SCMH1: variants seen among roughly 807,000 people sequenced by gnomAD.
SCMH1 encodes Scm polycomb group protein homolog 1, also known as polycomb protein SCMH1.
SCMH1 carries 37 observed loss-of-function variants against 70.8 expected under a neutral mutation model. The observed-to-expected ratio is 0.52, with a 90% CI of 0.40 to 0.69. SCMH1 has a LOEUF of 0.69. Ranked by LOEUF, SCMH1 falls within the 30% of genes least tolerant of loss-of-function variation. SCMH1 has a pLI of 0.00. For synonymous variants in SCMH1, 292 were observed against 307.4 expected (o/e 0.95, Z 0.52); for missense variants, 607 against 827.3 (o/e 0.73, Z 3.27).
intron 13 of SCMH1, among the ~76,000 whole-genome samples, chr1:41,029,118 T>C (rs532974359): frequency 1.2e-3 from 177 of 152,142 alleles, no homozygotes; most frequent in African/African-American, 4.0e-3. Flanking sequence ...TAGAGACAAA[T>C]CCTTGGCACG....
chr1:41,169,061 C>T (rs142150042), intron 2 of SCMH1, among the ~76,000 whole-genome samples: 1 of 152,280 alleles, frequency 6.6e-6, no homozygotes, highest in Non-Finnish European at 1.5e-5. Flanking sequence ...TCAGGTTGCA[C>T]CCTCTGATCC....
chr1:41,030,770 TC>T (rs570285723), intron 13 of SCMH1, among the ~76,000 whole-genome samples: 149 of 152,376 alleles, frequency 9.8e-4, no homozygotes, highest in Non-Finnish European at 1.0e-3. Context: ...TCTCTCTTGT[TC>T]CTTGCTATGT....
intron 8 of SCMH1, among the ~76,000 whole-genome samples, chr1:41,100,802 G>C (rs554763962): frequency 6.6e-6 from 1 of 152,212 alleles, no homozygotes; most frequent in East Asian, 1.9e-4. Context: ...CTGACCCCGT[G>C]ATCCGCCTGC....
chr1:41,153,905 A>G (rs1407306115), intron 4 of SCMH1, among the ~76,000 whole-genome samples: 1 of 152,234 alleles, frequency 6.6e-6, no homozygotes, highest in Non-Finnish European at 1.5e-5. Context: ...TAGGACAGGC[A>G]CCAAGGTATA....
At chr1:41,064,814 T>A (rs930551434) in intron 10 of SCMH1, among the ~76,000 whole-genome samples, 1 of 152,012 alleles carries the variant, frequency 6.6e-6, no homozygotes, top group African/African-American at 2.4e-5. Context: ...AGCTACCCAG[T>A]TGAGGCAGGA....
intron 6 of SCMH1, among the ~76,000 whole-genome samples, chr1:41,125,660 C>G (rs1291253740): frequency 2.6e-5 from 4 of 151,900 alleles, no homozygotes. Flanking sequence ...GCAGCCTCGA[C>G]CTCCCAGACT....
intron 8 of SCMH1, among the ~76,000 whole-genome samples, chr1:41,107,572 T>G (rs1368967749): frequency 2.0e-5 from 3 of 152,038 alleles, no homozygotes; most frequent in Non-Finnish European, 4.4e-5. Context: ...CAGGCTGGAG[T>G]GCAGTGGCAT....
At chr1:41,104,402 A>C (rs1367273135) in intron 8 of SCMH1, among the ~76,000 whole-genome samples, 1 of 152,198 alleles carries the variant, frequency 6.6e-6, no homozygotes, top group Non-Finnish European at 1.5e-5. Flanking sequence ...TGGACACAAT[A>C]TATCTGAGAG....
chr1:41,092,059 T>C (rs549812228), intron 8 of SCMH1, among the ~76,000 whole-genome samples: 21 of 152,236 alleles, frequency 1.4e-4, no homozygotes, highest in African/African-American at 4.8e-4. Context: ...GAGCCCGCAT[T>C]GCCAAGACAA....
chr1:41,199,152 A>G (rs1212293578), intron 1 of SCMH1, among the ~76,000 whole-genome samples: 1 of 152,224 alleles, frequency 6.6e-6, no homozygotes, highest in Non-Finnish European at 1.5e-5. Flanking sequence ...GGCACTTTAA[A>G]AATAACTTAT....
chr1:41,237,288 C>T (rs538380317), intron 1 of SCMH1, among the ~76,000 whole-genome samples: 8 of 152,252 alleles, frequency 5.3e-5, no homozygotes, highest in South Asian at 2.1e-4. Context: ...CTTAACCTCA[C>T]GAAGCCTATC....
chr1:41,237,882 A>T (rs1186186439), intron 1 of SCMH1, among the ~76,000 whole-genome samples: 1 of 152,194 alleles, frequency 6.6e-6, no homozygotes, highest in Non-Finnish European at 1.5e-5. Context: ...TAAGCATGTA[A>T]AAGGTTCATT....
intron 8 of SCMH1, among the ~76,000 whole-genome samples, chr1:41,087,795 C>T (rs972456746): frequency 3.9e-5 from 6 of 151,904 alleles, no homozygotes; most frequent in African/African-American, 4.8e-5. Context: ...CCAAGAATAC[C>T]GCTTCTGGTC....
intron 1 of SCMH1, among the ~76,000 whole-genome samples, chr1:41,203,439 T>C (rs1654811255): frequency 6.6e-6 from 1 of 152,172 alleles, no homozygotes; most frequent in Non-Finnish European, 1.5e-5. Flanking sequence ...AAAGGAAATA[T>C]AAAATTAAAC....
intron 2 of SCMH1, among the ~76,000 whole-genome samples, chr1:41,167,744 T>G (rs1332963369): frequency 6.6e-6 from 1 of 152,162 alleles, no homozygotes; most frequent in Admixed American, 6.5e-5. Flanking sequence ...TATACTTTCA[T>G]GTTTTCACGT....
At chr1:41,035,597 G>A (rs1218999731) in intron 13 of SCMH1, among the ~76,000 whole-genome samples, 1 of 152,132 alleles carries the variant, frequency 6.6e-6, no homozygotes, top group Non-Finnish European at 1.5e-5. Flanking sequence ...CTCAGAGAAA[G>A]TGTGCCTCCT....
Position 41,242,094 on chromosome 1 carries a change from T to C in SCMH1, c.-153A>G, listed in dbSNP as rs67138536. The C allele has an allele frequency of 1, 150,393 of 150,612 alleles. 75,088 individuals carry two copies. Among genetic ancestry groups the C allele is most frequent in the Middle Eastern group, 1 (292 of 292 alleles). The allele number at this position is 150,612 out of a possible 1,614,324, so 9.3% of individuals were successfully genotyped here. ...GGCGGGGGCGCGGGGCGGCTCACTC[T>C]CTTCCCGCCGCCATGTTTCCGCTGC... On this transcript the variant is annotated 5_prime_UTR_variant, in exon 1 of 15. Coordinates refer to ENST00000337495, the Ensembl canonical transcript of SCMH1. The surrounding 1 kb of genome is among the most constrained non-coding windows in gnomAD (Gnocchi z 5.2).
intron 8 of SCMH1, among the ~76,000 whole-genome samples, chr1:41,098,174 A>G (rs186975192): frequency 6.6e-6 from 1 of 152,270 alleles, no homozygotes; most frequent in African/African-American, 2.4e-5. Flanking sequence ...ATTTCATTCT[A>G]TTTTGACAAC....
chr1:41,239,448 C>A (rs1007691810), intron 1 of SCMH1, among the ~76,000 whole-genome samples: 5 of 152,204 alleles, frequency 3.3e-5, no homozygotes, highest in Admixed American at 3.3e-4. Flanking sequence ...CTTTGGGCAA[C>A]CTTTACTCTC....
Sources: allele counts gnomAD v4.1 joint callset (sites outside exome capture counted in the v4.1 genomes callset), GRCh38; gene constraint gnomAD v4.1.1; non-coding constraint Gnocchi (gnomAD v3.1); transcripts MANE v1.5; gene names NCBI Gene and HGNC (gene_info 2026-07-23, HGNC 2026-07-21).